AFG2A: variants seen among roughly 807,000 people sequenced by gnomAD.
AFG2A encodes the protein ATPase family gene 2 protein homolog A.
At chr4:123,207,337 GTGGAGTGTAGTGGCACAAGGC>G in the AFG2A span, among the ~76,000 whole-genome samples, 126 of 149,296 alleles carry the variant, frequency 8.4e-4, no homozygotes, top group African/African-American at 2.6e-3. Context: ...GTCGTCTGGG[GTGGAGTGTAGTGGCACAAGGC>G]TGGAGTGTAG....
chr4:123,059,382 C>T, the AFG2A span, among the ~76,000 whole-genome samples: 1 of 149,270 alleles, frequency 6.7e-6, no homozygotes, highest in Non-Finnish European at 1.5e-5. Context: ...CAATTCCCAC[C>T]TATGAGTGAG....
At chr4:123,203,119 T>TTAGATC in the AFG2A span, among the ~76,000 whole-genome samples, 1 of 152,134 alleles carries the variant, frequency 6.6e-6, no homozygotes, top group Admixed American at 6.6e-5. Context: ...ACGTTGTTCT[T>TTAGATC]TAGATCTAGC....
chr4:123,126,411 A>G, the AFG2A span, among the ~76,000 whole-genome samples: 1 of 152,068 alleles, frequency 6.6e-6, no homozygotes, highest in Admixed American at 6.5e-5. Context: ...ATGTTCTCTA[A>G]TAGTTCATGT....
chr4:123,183,185 GTTAC>G, the AFG2A span, among the ~76,000 whole-genome samples: 3 of 152,068 alleles, frequency 2.0e-5, no homozygotes, highest in Non-Finnish European at 2.9e-5. Context: ...ATCTGGTTCT[GTTAC>G]TTACTACCTG....
At chr4:123,295,254 A>G in the AFG2A span, among the ~76,000 whole-genome samples, 1 of 152,218 alleles carries the variant, frequency 6.6e-6, no homozygotes, top group Non-Finnish European at 1.5e-5. Flanking sequence ...TGGCAGAGGC[A>G]TAAGCCTTGG....
chr4:123,129,053 T>C, the AFG2A span, among the ~76,000 whole-genome samples: 3 of 152,218 alleles, frequency 2.0e-5, no homozygotes, highest in Admixed American at 2.0e-4. Flanking sequence ...TAAAAATATG[T>C]GGGACATTAT....
the AFG2A span, among the ~76,000 whole-genome samples, chr4:123,175,978 T>C: frequency 6.6e-6 from 1 of 152,156 alleles, no homozygotes; most frequent in Non-Finnish European, 1.5e-5. Context: ...TTATAAGAGC[T>C]GAGCTTGTAT....
At chr4:123,040,795 G>A in the AFG2A span, among the ~76,000 whole-genome samples, 1 of 152,002 alleles carries the variant, frequency 6.6e-6, no homozygotes, top group African/African-American at 2.4e-5. Flanking sequence ...TTGAGATATG[G>A]AAGTATTGGT....
At chr4:123,002,498 T>G in the AFG2A span, among the ~76,000 whole-genome samples, 6 of 152,148 alleles carry the variant, frequency 3.9e-5, no homozygotes, top group African/African-American at 1.4e-4. Flanking sequence ...AGGGCAGGCC[T>G]GGTGGTGACA....
chr4:122,940,791 T>C, the AFG2A span, among the ~76,000 whole-genome samples: 2 of 151,370 alleles, frequency 1.3e-5, no homozygotes, highest in Admixed American at 6.6e-5. Flanking sequence ...CTTTAATCCA[T>C]CTTGAATTAA....
chr4:123,311,649 AAAAAAAAG>A, the AFG2A span, among the ~76,000 whole-genome samples: 1 of 118,724 alleles, frequency 8.4e-6, no homozygotes, highest in African/African-American at 2.8e-5. Context: ...AAAAAAAAAA[AAAAAAAAG>A]AGAGAGAAAA....
At chr4:123,124,814 G>T in the AFG2A span, among the ~76,000 whole-genome samples, 2 of 152,128 alleles carry the variant, frequency 1.3e-5, no homozygotes, top group Admixed American at 1.3e-4. Context: ...CAAATGATTT[G>T]CTCTGTAAGT....
At chr4:123,070,205 A>G in the AFG2A span, among the ~76,000 whole-genome samples, 1 of 152,204 alleles carries the variant, frequency 6.6e-6, no homozygotes, top group Non-Finnish European at 1.5e-5. Context: ...TTTAAAAGGT[A>G]TCTTCATTAT....
the AFG2A span, among the ~76,000 whole-genome samples, chr4:123,178,508 A>G: frequency 6.6e-6 from 1 of 152,240 alleles, no homozygotes; most frequent in East Asian, 1.9e-4. Flanking sequence ...AAAACATGTT[A>G]TGAAATCTGT....
chr4:122,935,431 G>A, the AFG2A span, among the ~76,000 whole-genome samples: 1 of 151,304 alleles, frequency 6.6e-6, no homozygotes, highest in Non-Finnish European at 1.5e-5. Flanking sequence ...TCATTGATCT[G>A]TGTTGTGTGG....
the AFG2A span, among the ~76,000 whole-genome samples, chr4:123,089,937 T>G: frequency 1.3e-5 from 2 of 152,096 alleles, no homozygotes; most frequent in Non-Finnish European, 2.9e-5. Context: ...TCAAAGGACA[T>G]GAAGTTAGAG....
the AFG2A span, among the ~76,000 whole-genome samples, chr4:123,062,977 C>T: frequency 2.6e-5 from 4 of 152,188 alleles, no homozygotes; most frequent in African/African-American, 9.7e-5. Context: ...TGGTTGTACT[C>T]TATTTGCACT....
At chr4:123,227,929 C>G in the AFG2A span, among the ~76,000 whole-genome samples, 1 of 152,106 alleles carries the variant, frequency 6.6e-6, no homozygotes, top group African/African-American at 2.4e-5. Flanking sequence ...GGATAGTTAG[C>G]TCTTCTTGTT....
chr4:123,079,270 A>G, the AFG2A span, among the ~76,000 whole-genome samples: 1 of 152,178 alleles, frequency 6.6e-6, no homozygotes, highest in African/African-American at 2.4e-5. Flanking sequence ...CATGAGATAA[A>G]ACTTACTTAG....
Sources: allele counts gnomAD v4.1 joint callset (sites outside exome capture counted in the v4.1 genomes callset), GRCh38; gene constraint gnomAD v4.1.1; transcripts MANE v1.5; gene names NCBI Gene and HGNC (gene_info 2026-07-23, HGNC 2026-07-21).